CUX2: variants seen among roughly 807,000 people sequenced by gnomAD.
CUX2 encodes the protein homeobox protein cut-like 2.
A neutral mutation model predicts 144.8 loss-of-function variants in CUX2; 40 were observed. The observed-to-expected ratio is 0.28, with a 90% CI of 0.21 to 0.36. The LOEUF (loss-of-function observed/expected upper bound fraction) is 0.36. Ranked by LOEUF, CUX2 falls within the 10% of genes least tolerant of loss-of-function variation. The pLI is 1.00. For synonymous variants in CUX2, 827 were observed against 875.6 expected (o/e 0.94, Z 0.98); for missense variants, 1,615 against 1,994.0 (o/e 0.81, Z 3.62).
In CUX2 at chr12:111,130,394, A is replaced by G. The variant is rs115610858; in HGVS notation, c.64-83806A>G. The stretch of plus-strand genomic sequence containing the variant: ...CATCACCAACTAATTAATGTCATAT[A>G]GGTCTGTGTGATTACACTATTCTGA... On this transcript the variant is annotated intron_variant, in intron 1 of 21. Transcript: ENST00000261726. Among the ~76,000 whole-genome samples, 694 of 152,316 alleles carry G rather than the reference A, an allele frequency of 4.6e-3. 5 individuals carry two copies. The highest frequency in any genetic ancestry group is 0.016 in the African/African-American group (646 of 41,566).
intron 3 of CUX2, among the ~76,000 whole-genome samples, chr12:111,247,532 A>G (rs997662311): frequency 1.3e-5 from 2 of 152,220 alleles, no homozygotes; most frequent in African/African-American, 2.4e-5. Context: ...TGGCTACTGC[A>G]GCACAGGGCT....
intron 18 of CUX2, among the ~76,000 whole-genome samples, chr12:111,333,128 G>C (rs1039465495): frequency 6.6e-6 from 1 of 152,186 alleles, no homozygotes; most frequent in Non-Finnish European, 1.5e-5. Flanking sequence ...AGAATCTCTT[G>C]AACCCGTGAG....
chr12:111,192,281 C>T (rs758480817), intron 1 of CUX2, among the ~76,000 whole-genome samples: 1 of 152,004 alleles, frequency 6.6e-6, no homozygotes, highest in Non-Finnish European at 1.5e-5. Context: ...CACACACCAC[C>T]GACGCCCAGC....
At chr12:111,073,050 CAGAA>C (rs910600304) in intron 1 of CUX2, among the ~76,000 whole-genome samples, 1 of 152,148 alleles carries the variant, frequency 6.6e-6, no homozygotes, top group Non-Finnish European at 1.5e-5. Flanking sequence ...ATGTCACAGA[CAGAA>C]AAAGGCACAG....
chr12:111,075,299 C>T (rs1182164384), intron 1 of CUX2, among the ~76,000 whole-genome samples: 9 of 152,126 alleles, frequency 5.9e-5, no homozygotes, highest in African/African-American at 2.4e-5. Flanking sequence ...AGGATCAGGT[C>T]GAGGGGCCTT....
intron 1 of CUX2, among the ~76,000 whole-genome samples, chr12:111,167,164 T>C (rs940183015): frequency 3.0e-4 from 45 of 152,290 alleles, no homozygotes; most frequent in African/African-American, 1.1e-3. Flanking sequence ...CCTCTCTTTC[T>C]GCCAGGACTT....
Position 111,178,783 on chromosome 12 carries a change from C to G in CUX2, c.64-35417C>G, listed in dbSNP as rs1878997378. Among the ~76,000 whole-genome samples the G allele has an allele frequency of 6.6e-6, 1 of 152,124 alleles. No homozygotes were observed. The highest frequency in any genetic ancestry group is 1.5e-5 in the Non-Finnish European group (1 of 68,034). ...CAATGATTTATGCCTGTGATGAGGG[C>G]TCAGATGGAAGCGCAGGGGCCGTGG... On this transcript the variant is annotated intron_variant, in intron 1 of 21. Transcript: ENST00000261726. This position sits in a 1 kb window ranked among gnomAD's most constrained non-coding sequence, Gnocchi z 5.7.
intron 3 of CUX2, among the ~76,000 whole-genome samples, chr12:111,230,636 C>G (rs1426711257): frequency 6.6e-6 from 1 of 152,200 alleles, no homozygotes; most frequent in East Asian, 1.9e-4. Context: ...CTTGGTCTAG[C>G]ATGAGGCTTG....
At chr12:111,286,314 C>A (rs906671522) in intron 4 of CUX2, among the ~76,000 whole-genome samples, 2 of 152,202 alleles carry the variant, frequency 1.3e-5, no homozygotes, top group Non-Finnish European at 2.9e-5. Context: ...TACACATGCA[C>A]CCCCATTTTA....
intron 1 of CUX2, among the ~76,000 whole-genome samples, chr12:111,134,594 T>TTCTCTCTC (rs370486043): frequency 1.3e-4 from 19 of 144,164 alleles, no homozygotes; most frequent in Non-Finnish European, 2.5e-4. Flanking sequence ...TAAGATCTCT[T>TTCTCTCTC]TCTCTCTCTC....
intron 8 of CUX2, among the ~76,000 whole-genome samples, chr12:111,297,383 T>G (rs1165173525): frequency 2.0e-5 from 3 of 152,252 alleles, no homozygotes; most frequent in Non-Finnish European, 4.4e-5. Context: ...GAGTCTCGGC[T>G]GGAGGCCCCC....
chr12:111,326,774 C>T (rs569089956), intron 18 of CUX2, among the ~76,000 whole-genome samples: 3 of 152,058 alleles, frequency 2.0e-5, no homozygotes, highest in South Asian at 2.1e-4. Context: ...TGTGGTAGCA[C>T]GCATCTGTAA....
intron 1 of CUX2, among the ~76,000 whole-genome samples, chr12:111,104,960 G>C (rs949423201): frequency 5.9e-5 from 9 of 152,186 alleles, no homozygotes; most frequent in African/African-American, 1.7e-4. Context: ...TGGATGAATG[G>C]GGCGTGAGTC....
chr12:111,318,345 C>T (rs1488728027), intron 16 of CUX2, among the ~76,000 whole-genome samples: 2 of 150,930 alleles, frequency 1.3e-5, no homozygotes, highest in Admixed American at 1.3e-4. Flanking sequence ...CTGCCTCACC[C>T]TCCCAAAGTG....
At chr12:111,094,027 G>A (rs1376960900) in intron 1 of CUX2, among the ~76,000 whole-genome samples, 2 of 152,218 alleles carry the variant, frequency 1.3e-5, no homozygotes, top group East Asian at 1.9e-4. Flanking sequence ...GAAGCCTTGC[G>A]AGGCTGTTTA....
At chr12:111,315,917 C>T (rs983446011) in intron 16 of CUX2, among the ~76,000 whole-genome samples, 2 of 152,144 alleles carry the variant, frequency 1.3e-5, no homozygotes, top group Non-Finnish European at 2.9e-5. Flanking sequence ...CCAGACTACA[C>T]TTCCACATAT....
intron 1 of CUX2, among the ~76,000 whole-genome samples, chr12:111,097,672 G>A (rs1026002887): frequency 3.3e-5 from 5 of 152,190 alleles, no homozygotes; most frequent in Non-Finnish European, 5.9e-5. Flanking sequence ...ACAAGACAGC[G>A]TTTTCTCACA....
chr12:111,046,202 G>T (rs919190863), intron 1 of CUX2, among the ~76,000 whole-genome samples: 2 of 152,220 alleles, frequency 1.3e-5, no homozygotes, highest in African/African-American at 4.8e-5. Flanking sequence ...GGGACAGGAG[G>T]TCAGGCCTCC....
intron 4 of CUX2, among the ~76,000 whole-genome samples, chr12:111,271,288 A>G (rs1884636706): frequency 6.6e-6 from 1 of 152,238 alleles, no homozygotes; most frequent in South Asian, 2.1e-4. Flanking sequence ...AGAGAAACAG[A>G]AAGAGGGAAA....
Sources: allele counts gnomAD v4.1 joint callset (sites outside exome capture counted in the v4.1 genomes callset), GRCh38; gene constraint gnomAD v4.1.1; non-coding constraint Gnocchi (gnomAD v3.1); transcripts MANE v1.5; gene names NCBI Gene and HGNC (gene_info 2026-07-23, HGNC 2026-07-21).